The following COL19A1 variants were observed in gnomAD, a reference collection of about 807,000 sequenced individuals.
The protein encoded by COL19A1 is collagen alpha-1(XIX) chain.
A neutral mutation model predicts 190.2 loss-of-function variants in COL19A1; 159 were observed. The observed-to-expected ratio is 0.84, with a 90% confidence interval of 0.73 to 0.95. The LOEUF (loss-of-function observed/expected upper bound fraction) is 0.95. Among genes scored for constraint, COL19A1 ranks in the 40% least tolerant of loss-of-function variants. The pLI is 0.00. For synonymous variants in COL19A1, 509 were observed against 458.9 expected (o/e 1.11, Z -1.39); for missense variants, 1,418 against 1,431.9 (o/e 0.99, Z 0.16).
At position 70,157,031 on chromosome 6, in the gene COL19A1, G is replaced by A. The variant is rs148501937; in HGVS notation, c.2292+308G>A. On this transcript the variant is annotated intron_variant, in intron 34 of 50. Coordinates refer to ENST00000620364, the MANE Select transcript of COL19A1 (RefSeq NM_001858.6). ...ATAAAAGTAAGGGAAAGGAGGAAGGGAAAATTTACTCAAAAGAATTCCAAG... is the reference window on the plus strand; with the variant it reads ...ATAAAAGTAAGGGAAAGGAGGAAGGAAAAATTTACTCAAAAGAATTCCAAG... 6.7e-3 allele frequency among the ~76,000 whole-genome samples: 1,016 copies of A among 152,154 alleles called. 9 individuals are homozygous for A. The highest frequency in any genetic ancestry group is 0.022 in the African/African-American group (902 of 41,538).
chr6:70,091,918 C>T (rs965365745), intron 15 of COL19A1, among the ~76,000 whole-genome samples: 1 of 152,046 alleles, frequency 6.6e-6, no homozygotes, highest in Non-Finnish European at 1.5e-5. Flanking sequence ...CTTCAGGTGA[C>T]ATTGGATGTT....
chr6:69,966,434 C>A (rs1775108814), intron 11 of COL19A1, among the ~76,000 whole-genome samples: 2 of 152,220 alleles, frequency 1.3e-5, no homozygotes, highest in South Asian at 4.1e-4. Context: ...AAGAAAAATT[C>A]TTCTGCCTTG....
intron 20 of COL19A1, among the ~76,000 whole-genome samples, chr6:70,141,339 T>C (rs1786236360): frequency 6.6e-6 from 1 of 152,122 alleles, no homozygotes; most frequent in African/African-American, 2.4e-5. Context: ...AAAATTCTGT[T>C]AATGGCACAA....
chr6:69,957,192 T>G (rs1774473199), intron 9 of COL19A1, among the ~76,000 whole-genome samples: 1 of 152,042 alleles, frequency 6.6e-6, no homozygotes, highest in African/African-American at 2.4e-5. Flanking sequence ...TCAAGAAAAC[T>G]AATAATTTAT....
At chr6:70,160,326 A>C (rs1337715503) in intron 34 of COL19A1, among the ~76,000 whole-genome samples, 1 of 152,066 alleles carries the variant, frequency 6.6e-6, no homozygotes, top group East Asian at 1.9e-4. Context: ...GAACTTACTC[A>C]CTATCATGAG....
chr6:70,059,820 A>G (rs780728615), intron 14 of COL19A1: 2 of 512,894 alleles, frequency 3.9e-6, no homozygotes, highest in East Asian at 1.1e-4. Flanking sequence ...TATGTGTGCA[A>G]AATTTTAGAA....
At chr6:69,958,149 T>C (rs1422670484) in intron 9 of COL19A1, among the ~76,000 whole-genome samples, 2 of 152,132 alleles carry the variant, frequency 1.3e-5, no homozygotes, top group East Asian at 3.9e-4. Context: ...TATGGCAGGC[T>C]AGGACTTTGG....
intron 17 of COL19A1, among the ~76,000 whole-genome samples, chr6:70,122,437 T>G (rs1429461936): frequency 6.6e-6 from 1 of 152,110 alleles, no homozygotes; most frequent in East Asian, 1.9e-4. Flanking sequence ...ACATTTGGGA[T>G]AGGCGGAATG....
intron 11 of COL19A1, among the ~76,000 whole-genome samples, chr6:69,983,959 T>C (rs901232314): frequency 1.3e-5 from 2 of 152,134 alleles, no homozygotes; most frequent in Non-Finnish European, 2.9e-5. Context: ...TATGCTAGGA[T>C]CATAAAATGA....
chr6:69,974,868 A>G (rs1357607106), intron 11 of COL19A1, among the ~76,000 whole-genome samples: 1 of 131,332 alleles, frequency 7.6e-6, no homozygotes, highest in East Asian at 2.2e-4. Context: ...GCTGGAGTGC[A>G]GTGGAGCGAT....
chr6:69,883,210 G>T (rs755428609), intron 2 of COL19A1, among the ~76,000 whole-genome samples: 2 of 152,198 alleles, frequency 1.3e-5, no homozygotes, highest in Non-Finnish European at 2.9e-5. Context: ...TGAATGAGGG[G>T]GAGGAGGTGT....
chr6:69,893,314 C>A (rs1769484165), intron 2 of COL19A1, among the ~76,000 whole-genome samples: 1 of 152,150 alleles, frequency 6.6e-6, no homozygotes, highest in African/African-American at 2.4e-5. Flanking sequence ...TATTAGAAAC[C>A]ATCTTTTGAA....
At chr6:70,008,929 C>T (rs1023583336) in intron 11 of COL19A1, among the ~76,000 whole-genome samples, 2 of 151,900 alleles carry the variant, frequency 1.3e-5, no homozygotes, top group Non-Finnish European at 2.9e-5. Flanking sequence ...ATATGATTAC[C>T]TCAATGAATT....
At chr6:69,886,011 C>T (rs918704881) in intron 2 of COL19A1, among the ~76,000 whole-genome samples, 1 of 152,112 alleles carries the variant, frequency 6.6e-6, no homozygotes, top group African/African-American at 2.4e-5. Context: ...AACACTTATA[C>T]ACAGTGAAGG....
chr6:70,035,810 A>G (rs1779321535), intron 13 of COL19A1, 94 bp from the exon 14 acceptor site: 3 of 878,928 alleles, frequency 3.4e-6, no homozygotes, highest in Non-Finnish European at 3.7e-6. Flanking sequence ...TTCAAGATTT[A>G]TCTCTATATA....
chr6:70,188,144 A>G lies in COL19A1; in HGVS notation c.2926A>G (p.Lys976Glu). 1 of 1,614,060 alleles carries G rather than the reference A, an allele frequency of 6.2e-7. No homozygotes were observed. The highest frequency in any genetic ancestry group is 1.7e-4 in the Middle Eastern group (1 of 6,060). ...GGGAAAACCAGGCCTTACAGGCATG[A>G]AGGGGGCCATCGGTCCTATGGGTCC... ...ERGKPGLTGMKGAIGPMGPPG... is the reference protein window; with the variant it reads ...ERGKPGLTGMEGAIGPMGPPG... Residue 976 changes from lysine to glutamate, a missense_variant, in exon 47 of 51, where the codon AAG becomes GAG. Physicochemically the swap from Lys to Glu is moderately conservative, Grantham distance 56 (BLOSUM62 1). Coordinates refer to ENST00000620364, the MANE Select transcript of COL19A1 (RefSeq NM_001858.6).
chr6:70,023,565 T>C, intron 11 of COL19A1, 62 bp from the exon 12 acceptor site: 9 of 1,406,894 alleles, frequency 6.4e-6, no homozygotes, highest in East Asian at 2.3e-5. Context: ...CATAACTTTA[T>C]TTTTTGCTAG....
intron 14 of COL19A1, among the ~76,000 whole-genome samples, chr6:70,058,377 G>A (rs934199029): frequency 6.6e-6 from 1 of 151,952 alleles, no homozygotes; most frequent in Non-Finnish European, 1.5e-5. Context: ...TAGGGAACTG[G>A]TTTACTACAA....
intron 2 of COL19A1, among the ~76,000 whole-genome samples, chr6:69,881,320 G>T (rs974859012): frequency 6.6e-6 from 1 of 152,100 alleles, no homozygotes; most frequent in Non-Finnish European, 1.5e-5. Flanking sequence ...TTATGCCAAG[G>T]TTACCTTTTT....
Sources: allele counts gnomAD v4.1 joint callset (sites outside exome capture counted in the v4.1 genomes callset), GRCh38; gene constraint gnomAD v4.1.1; transcripts MANE v1.5; gene names NCBI Gene and HGNC (gene_info 2026-07-23, HGNC 2026-07-21).